Variants in RAD23A observed in about 807,000 individuals in gnomAD.
RAD23A encodes the protein RAD23 nucleotide excision repair protein A, also known as lysine-specific demethylase RAD23A.
Under a neutral mutation model 44.8 loss-of-function variants are expected in RAD23A, and 16 were observed. That is an observed-to-expected ratio of 0.36 (90% CI 0.24 to 0.54). RAD23A has a LOEUF of 0.54. Ranked by LOEUF, RAD23A falls within the 20% of genes least tolerant of loss-of-function variation. The pLI is 0.89. For missense variants in RAD23A, 380 were observed against 483.3 expected (o/e 0.79, Z 2.00); for synonymous variants, 217 against 202.9 (o/e 1.07, Z -0.59).
chr19:12,948,860 G>A lies in RAD23A; in HGVS notation c.600+47G>A, dbSNP rs1212144977. 10 of 1,567,548 alleles carry A rather than the reference G, an allele frequency of 6.4e-6. No homozygotes were observed. The highest frequency in any genetic ancestry group is 2.2e-5 in the East Asian group (1 of 44,588). On this transcript the variant is annotated intron_variant, in intron 5 of 8. Transcript: ENST00000586534. The surrounding 1 kb of genome is among the most constrained non-coding windows in gnomAD (Gnocchi z 5.5). ...CCGGGGAGGCCTTGAGGGAGTACCC[G>A]GGCGTCACTGCCCTGATGGGCGGTT...
Position 12,948,695 on chromosome 19 carries a change from C to CT in RAD23A, c.483dup (p.Glu162Ter). The CT allele has an allele frequency of 6.2e-7, 1 of 1,612,620 alleles. No individual in the cohort carries two copies. Among genetic ancestry groups the CT allele is most frequent in the Non-Finnish European group, 8.5e-7 (1 of 1,179,650 alleles). On this transcript the variant is annotated frameshift_variant, in exon 5 of 9. Coordinates refer to ENST00000586534, the MANE Select transcript of RAD23A (RefSeq NM_005053.4). LOFTEE classifies it high-confidence loss of function. The surrounding 1 kb of genome is among the most constrained non-coding windows in gnomAD (Gnocchi z 5.5). ...GCTGCTTCCTCCACAGTGACGGGCT[C>CT]TGAGTATGAGACGATGCTGACGGAG...
chr19:12,949,509 C>T, intron 7 of RAD23A, 101 bp downstream of exon 7: 3 of 1,483,026 alleles, frequency 2.0e-6, no homozygotes, highest in Non-Finnish European at 2.8e-6. Flanking sequence ...GTCCGGAAAG[C>T]AGGACTAAGC....
Position 12,948,920 on chromosome 19 carries a change from T to C in RAD23A, c.600+107T>C, listed in dbSNP as rs907030448. Reference sequence around the variant, plus strand: ...AAACCTGCCCTGAAAAGCCTTTGGGTAGTGATTCTAGCCACTAAAGGCTTC... The same window carrying C: ...AAACCTGCCCTGAAAAGCCTTTGGGCAGTGATTCTAGCCACTAAAGGCTTC... On this transcript the variant is annotated intron_variant, in intron 5 of 8. Transcript: ENST00000586534. The surrounding 1 kb of genome is among the most constrained non-coding windows in gnomAD (Gnocchi z 5.5). 1 of 1,542,506 alleles carries C rather than the reference T, an allele frequency of 6.5e-7. No individual in the cohort carries two copies. The highest frequency in any genetic ancestry group is 8.8e-7 in the Non-Finnish European group (1 of 1,137,710).
At position 12,949,469 on chromosome 19, in the gene RAD23A, A is replaced by C. The variant is rs1016140977; in HGVS notation, c.813+61A>C. On this transcript the variant is annotated intron_variant, in intron 7 of 8. Transcript: ENST00000586534. ...ACCATTTCCCTTCCCTGTGGGCACC[A>C]GAGTCCATAACACGTAGGAATCGTT... 8.2e-6 allele frequency: 13 copies of C among 1,588,536 alleles called. No individual in the cohort carries two copies. In the Admixed American group the frequency reaches 2.1e-4, roughly 25 times the overall value.
Position 12,948,670 on chromosome 19 carries a change from G to C in RAD23A, c.473-16G>C, listed in dbSNP as rs1254763293. The stretch of plus-strand genomic sequence containing the variant: ...TCCTCTTCCTGGTGACCTAGGCTTT[G>C]CTGCTTCCTCCACAGTGACGGGCTC... On this transcript the variant is annotated splice_polypyrimidine_tract_variant and intron_variant, in intron 4 of 8. Transcript: ENST00000586534. This position sits in a 1 kb window ranked among gnomAD's most constrained non-coding sequence, Gnocchi z 5.5. 1.9e-6 allele frequency: 3 copies of C among 1,607,874 alleles called. No homozygotes were observed. In the Admixed American group the frequency reaches 5.1e-5, roughly 27 times the overall value.
intron 7 of RAD23A, among the ~76,000 whole-genome samples, chr19:12,950,483 C>T (rs1971780167): frequency 6.6e-6 from 1 of 152,084 alleles, no homozygotes; most frequent in African/African-American, 2.4e-5. Context: ...CGGCTCACTG[C>T]AACCTCCGCC....
In RAD23A at chr19:12,952,766, G is replaced by A. The variant is rs577568424; in HGVS notation, c.891G>A (p.Val297=). The A allele has an allele frequency of 1.2e-5, 19 of 1,613,666 alleles. No homozygotes were observed. In the South Asian group the frequency reaches 1.8e-4, roughly 15 times the overall value. The change falls in exon 8 of 9, where the codon GTG becomes GTA. Residue 297 remains valine (V), a synonymous_variant. Coordinates refer to ENST00000586534, the MANE Select transcript of RAD23A (RefSeq NM_005053.4). ...GGGAGCTGGCGGACATCTCAGATGT[G>A]GAGGGGGAGGTGGGCGCCATAGGAG... The part of the protein sequence containing the change: ...PPGELADISD[V]EGEVGAIGEE...
intron 7 of RAD23A, 46 bp downstream of exon 7, chr19:12,949,454 T>G (rs1213870592): frequency 1.3e-6 from 2 of 1,596,254 alleles, no homozygotes; most frequent in African/African-American, 2.7e-5. Flanking sequence ...ACCATTTCCC[T>G]TCCCTGTGGG....
rs756264276 is a variant in RAD23A at position 12,948,366 on chromosome 19, G to A, written c.416+8G>A. ...CCCAGAGTCTGTGTCAGGGTAAGGC[G>A]GGGGCAGCAGTCCCAGCTTGGGCCC... On this transcript the variant is annotated splice_region_variant and intron_variant, in intron 3 of 8. Transcript: ENST00000586534. The surrounding 1 kb of genome is among the most constrained non-coding windows in gnomAD (Gnocchi z 5.5). The A allele has an allele frequency of 6.4e-6, 10 of 1,568,120 alleles. No homozygotes were observed. Among genetic ancestry groups the A allele is most frequent in the South Asian group, 4.7e-5 (4 of 84,458 alleles).
intron 7 of RAD23A, 142 bp downstream of exon 7, chr19:12,949,550 G>A: frequency 8.9e-7 from 1 of 1,126,484 alleles, no homozygotes; most frequent in African/African-American, 1.6e-5. Flanking sequence ...TGTGCTTCCT[G>A]TGACCTGGTG....
At chr19:12,952,629 C>T in intron 7 of RAD23A, 60 bp from the exon 8 acceptor site, 1 of 1,522,804 alleles carries the variant, frequency 6.6e-7, no homozygotes, top group Non-Finnish European at 9.0e-7. Context: ...CTGTGATGAC[C>T]TGGGGAGAGG....
At chr19:12,946,170 C>G in intron 1 of RAD23A, 150 bp downstream of exon 1, 1 of 756,156 alleles carries the variant, frequency 1.3e-6, no homozygotes, top group Non-Finnish European at 2.0e-6. Context: ...TTCCTGGACC[C>G]CCCGATGGTC....
At chr19:12,951,932 GCTCA>G (rs1229278412) in intron 7 of RAD23A, among the ~76,000 whole-genome samples, 2 of 151,646 alleles carry the variant, frequency 1.3e-5, no homozygotes, top group Admixed American at 6.6e-5. Context: ...TCATTTATTG[GCTCA>G]CTCACTTATT....
At position 12,948,199 on chromosome 19, in the gene RAD23A, C is replaced by T; in HGVS notation, c.257C>T (p.Ser86Leu). 6.2e-7 allele frequency: 1 copy of T among 1,614,088 alleles called. No individual in the cohort carries two copies. Among genetic ancestry groups the T allele is most frequent in the Non-Finnish European group, 8.5e-7 (1 of 1,180,018 alleles). Reference protein sequence around the residue: ...VTKTKAGQGTSAPPEASPTAA... With the variant: ...VTKTKAGQGTLAPPEASPTAA... The stretch of plus-strand genomic sequence containing the variant: ...CAGACCAAAGCCGGCCAGGGTACCT[C>T]AGCACCCCCAGAGGCCTCACCCACA... Residue 86 changes from serine to leucine, a missense_variant, in exon 3 of 9, where the codon TCA (serine) becomes TTA (leucine). Ser to Leu is a moderately radical substitution (Grantham distance 145). Around this residue, in one of 3 missense-constraint regions of RAD23A, gnomAD observed 279 missense variants for 313.7 expected, o/e 0.89. Coordinates refer to ENST00000586534, the MANE Select transcript of RAD23A (RefSeq NM_005053.4). This position sits in a 1 kb window ranked among gnomAD's most constrained non-coding sequence, Gnocchi z 5.5.
At chr19:12,949,554 C>A in intron 7 of RAD23A, 146 bp downstream of exon 7, 2 of 1,112,826 alleles carry the variant, frequency 1.8e-6, no homozygotes, top group Non-Finnish European at 2.6e-6. Context: ...CTTCCTGTGA[C>A]CTGGTGACCC....
In RAD23A at chr19:12,949,278, G is replaced by C; in HGVS notation, c.683G>C (p.Gly228Ala). The change falls in exon 7 of 9, where the codon GGA becomes GCA. Residue 228 changes from glycine (G) to alanine (A), a missense_variant. This residue lies in a region of RAD23A where 279 missense variants were observed against 313.7 expected (regional missense o/e 0.89). Coordinates refer to ENST00000586534, the MANE Select transcript of RAD23A (RefSeq NM_005053.4). ...VSEQPATEAA[G>A]ENPLEFLRDQ... Reference sequence around the variant, plus strand: ...CTGCACCCCTTCCTACTACCAGCAGGAGAGAACCCCCTGGAGTTCCTGCGG... The same window carrying C: ...CTGCACCCCTTCCTACTACCAGCAGCAGAGAACCCCCTGGAGTTCCTGCGG... 1 of 1,614,088 alleles carries C rather than the reference G, an allele frequency of 6.2e-7. No individual in the cohort carries two copies. The highest frequency in any genetic ancestry group is 8.5e-7 in the Non-Finnish European group (1 of 1,179,960).
intron 7 of RAD23A, among the ~76,000 whole-genome samples, chr19:12,951,291 A>G (rs986681365): frequency 1.3e-5 from 2 of 152,092 alleles, no homozygotes; most frequent in Non-Finnish European, 2.9e-5. Flanking sequence ...TCACCTTTCT[A>G]AAAGATCCAC....
Position 12,953,209 on chromosome 19 carries a change from A to T in RAD23A, c.*160A>T, listed in dbSNP as rs1568455685. The T allele has an allele frequency of 3.8e-6, 2 of 523,664 alleles. No individual in the cohort carries two copies. Among genetic ancestry groups the T allele is most frequent in the Middle Eastern group, 5.2e-4 (1 of 1,934 alleles). The allele number at this position is 523,664 out of a possible 1,614,324, so 32.4% of individuals were successfully genotyped here. ...AACAGTCCAGCTTCCTGTCCTCCTA[A>T]AGTGGCCCCTGTTCCCATCTCCCGG... On this transcript the variant is annotated 3_prime_UTR_variant, in exon 9 of 9. Coordinates refer to ENST00000586534, the MANE Select transcript of RAD23A (RefSeq NM_005053.4).
rs1971736136 is a variant in RAD23A, at chr19:12,948,988, G to A, written c.601-93G>A. Reference sequence around the variant, plus strand: ...TGAGTGATGGGTGGGCCTCTGGAGGGCAGGGCCGAGGCCTCATCTGTGTCC... The same window carrying A: ...TGAGTGATGGGTGGGCCTCTGGAGGACAGGGCCGAGGCCTCATCTGTGTCC... On this transcript the variant is annotated intron_variant, in intron 5 of 8. Transcript: ENST00000586534. This position sits in a 1 kb window ranked among gnomAD's most constrained non-coding sequence, Gnocchi z 5.5. 5 of 1,534,924 alleles carry A rather than the reference G, an allele frequency of 3.3e-6. 1 individual carries two copies. The highest frequency in any genetic ancestry group is 2.2e-4 in the Middle Eastern group (1 of 4,456).
Sources: allele counts gnomAD v4.1 joint callset (sites outside exome capture counted in the v4.1 genomes callset), GRCh38; gene constraint gnomAD v4.1.1; regional missense constraint gnomAD v4.1.1; non-coding constraint Gnocchi (gnomAD v3.1); transcripts MANE v1.5; gene names NCBI Gene and HGNC (gene_info 2026-07-23, HGNC 2026-07-21).